TMEM11: variants seen among roughly 807,000 people sequenced by gnomAD.
TMEM11 encodes transmembrane protein 11.
TMEM11 carries 1 observed loss-of-function variant against 17.0 expected under a neutral mutation model. The ratio of observed to expected loss-of-function variants is 0.06; its 90% CI spans 0.02 to 0.28. The LOEUF (loss-of-function observed/expected upper bound fraction) is 0.28, where lower values mean the gene tolerates loss of function less well. TMEM11 is among the 10% of genes least tolerant of loss of function. TMEM11 has a pLI of 1.00. For missense variants in TMEM11, 172 were observed against 252.9 expected, an observed-to-expected ratio of 0.68 and a Z score of 2.17; for synonymous variants, 122 against 118.1, an observed-to-expected ratio of 1.03 and a Z score of -0.21.
In TMEM11 at chr17:21,198,662, G is replaced by A; in HGVS notation, c.241C>T (p.Leu81=). ...CCCGCCAGCACGGCCGTCTTGTGCA[G>A]GCAGTTGCCCACGGTGATCCAGCGG... ...TARWITVGNC[L]HKTAVLAGTA... Residue 81 remains leucine, a synonymous_variant, in exon 2 of 2, where the codon CTG becomes TTG. Coordinates refer to ENST00000317635, the MANE Select transcript of TMEM11 (RefSeq NM_003876.3). The surrounding 1 kb of genome is among the most constrained non-coding windows in gnomAD (Gnocchi z 6.5). The A allele has an allele frequency of 6.2e-7, 1 of 1,614,146 alleles. No individual in the cohort carries two copies. The highest frequency in any genetic ancestry group is 1.3e-5 in the African/African-American group (1 of 75,082).
rs368733534 is a variant in TMEM11 at position 21,203,991 on chromosome 17, CT to C, written c.63-5152del. Among the ~76,000 whole-genome samples, 881 of 107,644 alleles carry C rather than the reference CT, an allele frequency of 8.2e-3. 3 individuals carry two copies. The highest frequency in any genetic ancestry group is 0.02 in the Admixed American group (183 of 9,338). 70.6% of individuals were successfully genotyped at this position (107,644 alleles called of 152,430 possible). ...TTTTTTTTTTTTTAAATTATATGGA[CT>C]TTTTTTTTTTTTTTTAAGTAAGAGC... is the stretch of plus-strand genomic sequence containing the variant. On this transcript the variant is annotated intron_variant, in intron 1 of 1. Coordinates refer to ENST00000317635, the MANE Select transcript of TMEM11 (RefSeq NM_003876.3).
In TMEM11 at chr17:21,211,058, C is replaced by A. The variant is rs527963212; in HGVS notation, c.62+3033G>T. ...TCCGGGCTGGCACACGGTGGCAGAA[C>A]ACAGATACCTGCACTGTGCTTTCCT... is the stretch of plus-strand genomic sequence containing the variant. On this transcript the variant is annotated intron_variant, in intron 1 of 1. Coordinates refer to ENST00000317635, the MANE Select transcript of TMEM11 (RefSeq NM_003876.3). The A allele has an allele frequency of 3.9e-6, 5 of 1,289,812 alleles. No homozygotes were observed. The South Asian group carries it at 6.2e-5, about 16-fold the overall frequency. 79.9% of individuals were successfully genotyped at this position (1,289,812 alleles called of 1,614,324 possible).
chr17:21,198,225 C>T lies in TMEM11; in HGVS notation c.*99G>A. 1.4e-6 allele frequency: 2 copies of T among 1,445,666 alleles called. No individual in the cohort carries two copies. The highest frequency in any genetic ancestry group is 2.8e-5 in the African/African-American group (2 of 70,280). 89.6% of individuals were successfully genotyped at this position (1,445,666 alleles called of 1,614,324 possible). ...AAAATAACAAATACTAAGCCAAACA[C>T]CTGCCCAGGCTCTGCTGCCTCACAG... On this transcript the variant is annotated 3_prime_UTR_variant, in exon 2 of 2. Coordinates refer to ENST00000317635, the MANE Select transcript of TMEM11 (RefSeq NM_003876.3). The surrounding 1 kb of genome is among the most constrained non-coding windows in gnomAD (Gnocchi z 6.5).
chr17:21,204,450 AAAAAAAAAAG>A (rs1449563470), intron 1 of TMEM11, among the ~76,000 whole-genome samples: 7 of 151,698 alleles, frequency 4.6e-5, no homozygotes, highest in African/African-American at 1.7e-4. Flanking sequence ...AAAAAAAAAA[AAAAAAAAAAG>A]AGAAAAAGGT....
intron 1 of TMEM11, among the ~76,000 whole-genome samples, chr17:21,210,646 C>A (rs1274334858): frequency 1.3e-5 from 2 of 152,178 alleles, no homozygotes; most frequent in African/African-American, 4.8e-5. Context: ...ACCAGGCACA[C>A]CTGAGTTCAC....
At chr17:21,210,926 C>T (rs1397037936) in intron 1 of TMEM11, 1 of 1,280,622 alleles carries the variant, frequency 7.8e-7, no homozygotes, top group Non-Finnish European at 1.0e-6. Context: ...GAGCACACAG[C>T]TATACTCACA....
intron 1 of TMEM11, 67 bp downstream of exon 1, chr17:21,214,024 G>A (rs968419455): frequency 6.7e-7 from 1 of 1,483,498 alleles, no homozygotes; most frequent in Non-Finnish European, 9.2e-7. Flanking sequence ...GCAGCCCTCG[G>A]AGGCCGCGCT....
chr17:21,201,970 C>G (rs1238379686), intron 1 of TMEM11, among the ~76,000 whole-genome samples: 1 of 152,208 alleles, frequency 6.6e-6, no homozygotes, highest in African/African-American at 2.4e-5. Flanking sequence ...AGCAAACAAG[C>G]ACACCCAAAG....
intron 1 of TMEM11, among the ~76,000 whole-genome samples, chr17:21,200,456 T>A (rs1349756870): frequency 2.0e-5 from 3 of 152,170 alleles, no homozygotes; most frequent in African/African-American, 7.2e-5. Context: ...TGGATCAAGT[T>A]TTCCAACTCA....
At chr17:21,210,807 G>T in intron 1 of TMEM11, 2 of 984,622 alleles carry the variant, frequency 2.0e-6, no homozygotes, top group Non-Finnish European at 2.6e-6. Flanking sequence ...CGCTAAACCT[G>T]AACTTTTAGC....
intron 1 of TMEM11, among the ~76,000 whole-genome samples, chr17:21,201,075 T>C (rs776746527): frequency 2.0e-5 from 3 of 152,220 alleles, no homozygotes; most frequent in Non-Finnish European, 2.9e-5. Flanking sequence ...AGCTCAAAGC[T>C]TTCAGCAAAC....
chr17:21,211,280 C>T, intron 1 of TMEM11: 6 of 1,241,856 alleles, frequency 4.8e-6, no homozygotes, highest in Non-Finnish European at 6.3e-6. Flanking sequence ...TACCATTTTG[C>T]TATTTCCACC....
At chr17:21,204,435 T>TAAAAAA (rs71160127) in intron 1 of TMEM11, among the ~76,000 whole-genome samples, 24 of 96,772 alleles carry the variant, frequency 2.5e-4, no homozygotes, top group African/African-American at 7.9e-4. Context: ...TCCGTCTCAA[T>TAAAAAA]AAAAAAAAAA....
rs547715428 is a variant in TMEM11, at chr17:21,213,982, G to C, written c.62+109C>G. 42 of 1,077,082 alleles carry C rather than the reference G, an allele frequency of 3.9e-5. No individual in the cohort carries two copies. The African/African-American group carries it at 5.9e-4, about 15-fold the overall frequency. 66.7% of individuals were successfully genotyped at this position (1,077,082 alleles called of 1,614,324 possible). A position where few individuals can be genotyped will look rare whatever the true frequency, so the allele number is the denominator to read the frequency against. ...CCAGTATGCCCGGCGAGGGTAGGGGGAGCGCGGGGAAACCAGGGAAGGAAG... is the reference window on the plus strand; with the variant it reads ...CCAGTATGCCCGGCGAGGGTAGGGGCAGCGCGGGGAAACCAGGGAAGGAAG... On this transcript the variant is annotated intron_variant, in intron 1 of 1. Coordinates refer to ENST00000317635, the MANE Select transcript of TMEM11 (RefSeq NM_003876.3).
chr17:21,202,506 G>A (rs186186726), intron 1 of TMEM11, among the ~76,000 whole-genome samples: 47 of 152,260 alleles, frequency 3.1e-4, no homozygotes, highest in Admixed American at 1.5e-3. Context: ...TGGAAACCCC[G>A]GTCCTGGAAC....
rs1974838097 is a variant in TMEM11, at chr17:21,198,027, A to C, written c.*297T>G. The C allele has an allele frequency of 8.8e-6, 3 of 342,772 alleles. No homozygotes were observed. Among genetic ancestry groups the C allele is most frequent in the African/African-American group, 6.2e-5 (3 of 48,242 alleles). 21.2% of individuals were successfully genotyped at this position (342,772 alleles called of 1,614,324 possible). On this transcript the variant is annotated 3_prime_UTR_variant, in exon 2 of 2. Coordinates refer to ENST00000317635, the MANE Select transcript of TMEM11 (RefSeq NM_003876.3). The surrounding 1 kb of genome is among the most constrained non-coding windows in gnomAD (Gnocchi z 6.5). ...ATGGTACAGTTAAACAATAGACTTA[A>C]AGACCTCCCCCAAAGCACGTCCACA...
rs1285188072 is a variant in TMEM11, at chr17:21,214,137, T to C, written c.16A>G (p.Arg6Gly). The stretch of plus-strand genomic sequence containing the variant: ...CTGCTGCCCGGGCCAAGACGCCTCC[T>C]TCCCCAAGCGGCCATCTTGGAGACA... MAAWG[R>G]RRLGPGSSGG... The change falls in exon 1 of 2, where the codon AGG becomes GGG. Residue 6 changes from arginine (R) to glycine (G), a missense_variant. This residue lies in a region of TMEM11 where 49 missense variants were observed against 39.3 expected (regional missense o/e 1.25). Transcript: ENST00000317635. 2 of 1,612,392 alleles carry C rather than the reference T, an allele frequency of 1.2e-6. No homozygotes were observed. Among genetic ancestry groups the C allele is most frequent in the East Asian group, 4.5e-5 (2 of 44,832 alleles).
intron 1 of TMEM11, among the ~76,000 whole-genome samples, chr17:21,199,328 G>GAAAA (rs58031189): frequency 1.3e-4 from 10 of 78,306 alleles, no homozygotes; most frequent in Non-Finnish European, 1.6e-4. Flanking sequence ...CTCAGTCTCA[G>GAAAA]AAAAAAAAAA....
rs768732451 is a variant in TMEM11, at chr17:21,214,088, C to T, written c.62+3G>A. On this transcript the variant is annotated splice_donor_region_variant and intron_variant, in intron 1 of 1. Transcript: ENST00000317635. ...CTGGGGGCAACAAGCCCTTGGATCT[C>T]ACCTCTCTCGGGCGCTGCCGCCACT... 8 of 1,609,616 alleles carry T rather than the reference C, an allele frequency of 5.0e-6. No individual in the cohort carries two copies. Among genetic ancestry groups the T allele is most frequent in the Non-Finnish European group, 1.7e-6 (2 of 1,179,088 alleles).
Sources: gnomAD v4.1 joint callset for allele counts (sites outside exome capture counted in the v4.1 genomes callset) on GRCh38, gnomAD v4.1.1 for gene constraint, gnomAD v4.1.1 regional missense constraint, Gnocchi (gnomAD v3.1) non-coding constraint, MANE v1.5 for transcripts, NCBI Gene and HGNC (gene_info 2026-07-23, HGNC 2026-07-21) for gene names.